The following FBLN5 variants were observed in gnomAD, a reference collection of about 807,000 sequenced individuals.
The protein encoded by FBLN5 is fibulin-5.
FBLN5 carries 24 observed loss-of-function variants against 61.6 expected under a neutral mutation model. The observed-to-expected ratio is 0.39, with a 90% CI of 0.28 to 0.55. The LOEUF (loss-of-function observed/expected upper bound fraction) is 0.55. FBLN5 is among the 20% of genes least tolerant of loss of function. FBLN5 has a pLI of 0.65. For synonymous variants in FBLN5, 213 were observed against 219.8 expected, an observed-to-expected ratio of 0.97 and a Z score of 0.27; for missense variants, 470 against 594.1, an observed-to-expected ratio of 0.79 and a Z score of 2.17.
At chr14:91,900,362 A>G (rs1890403147) in intron 4 of FBLN5, among the ~76,000 whole-genome samples, 1 of 152,258 alleles carries the variant, frequency 6.6e-6, no homozygotes, top group East Asian at 1.9e-4. Context: ...TGCACATATT[A>G]TATACATATA....
intron 4 of FBLN5, among the ~76,000 whole-genome samples, chr14:91,924,330 C>T (rs2055789672): frequency 6.6e-6 from 1 of 152,178 alleles, no homozygotes; most frequent in African/African-American, 2.4e-5. Flanking sequence ...TTGAATCCCA[C>T]ATATATAATT....
At chr14:91,936,917 C>T (rs772340653) in intron 4 of FBLN5, 30 bp downstream of exon 4, 1 of 1,613,874 alleles carries the variant, frequency 6.2e-7, no homozygotes, top group Non-Finnish European at 8.5e-7. Context: ...CAAAGCACAG[C>T]GGAGAGGAAC....
chr14:91,879,507 G>A (rs1889319680), intron 9 of FBLN5, among the ~76,000 whole-genome samples: 2 of 152,194 alleles, frequency 1.3e-5, no homozygotes, highest in Admixed American at 1.3e-4. Context: ...TCATGCCAGA[G>A]ACTCCACCAG....
chr14:91,871,532 C>T (rs1566796191), intron 10 of FBLN5, among the ~76,000 whole-genome samples: 4 of 152,136 alleles, frequency 2.6e-5, no homozygotes. Flanking sequence ...AGGCACTCTT[C>T]TAACCATGTT....
chr14:91,942,138 C>T, intron 2 of FBLN5: 2 of 456,000 alleles, frequency 4.4e-6, no homozygotes, highest in South Asian at 3.1e-5. Context: ...AGGGATCTGC[C>T]CACATTTCAG....
At chr14:91,907,872 T>C (rs903414399) in intron 4 of FBLN5, among the ~76,000 whole-genome samples, 4 of 152,046 alleles carry the variant, frequency 2.6e-5, no homozygotes, top group South Asian at 4.1e-4. Context: ...TAGCCCCTTG[T>C]AGTTCAGCAA....
chr14:91,947,091 C>CTCA lies in FBLN5; in HGVS notation c.17+119_17+121dup. ...ATTAACAATATCATTGCATCACTAG[C>CTCA]TCATGCCTTTTCCAATATCCTGACA... On this transcript the variant is annotated intron_variant, in intron 1 of 10. Transcript: ENST00000342058. This position sits in a 1 kb window ranked among gnomAD's most constrained non-coding sequence, Gnocchi z 4.3. 2 of 1,548,538 alleles carry CTCA rather than the reference C, an allele frequency of 1.3e-6. No individual in the cohort carries two copies. Among genetic ancestry groups the CTCA allele is most frequent in the South Asian group, 2.3e-5 (2 of 86,152 alleles).
chr14:91,891,681 A>C (rs1890003715), intron 5 of FBLN5, among the ~76,000 whole-genome samples: 1 of 152,218 alleles, frequency 6.6e-6, no homozygotes. Context: ...GGTTTATCCA[A>C]GATGGACTCT....
chr14:91,912,504 G>T (rs1175965647), intron 4 of FBLN5, among the ~76,000 whole-genome samples: 1 of 152,066 alleles, frequency 6.6e-6, no homozygotes, highest in Admixed American at 6.6e-5. Context: ...AATTAGCCAG[G>T]CGTGGTGGCA....
intron 4 of FBLN5, among the ~76,000 whole-genome samples, 185 bp from the exon 5 acceptor site, chr14:91,895,257 A>G (rs777678013): frequency 1.4e-4 from 21 of 152,174 alleles, no homozygotes; most frequent in Non-Finnish European, 2.9e-4. Flanking sequence ...CTGAAGGCTG[A>G]GCTAGTCTGC....
In FBLN5 at chr14:91,883,522, G is replaced by A. The variant is rs377455845; in HGVS notation, c.740-446C>T. ...AGGGCCCTCTGAAGGGGCAACTTTC[G>A]CAATGCCAACTCCCCTCCAATCACC... On this transcript the variant is annotated intron_variant, in intron 7 of 10. Transcript: ENST00000342058. Among the ~76,000 whole-genome samples the A allele has an allele frequency of 1.6e-4, 25 of 151,772 alleles. 1 individual carries two copies. The highest frequency in any genetic ancestry group is 5.1e-4 in the African/African-American group (21 of 41,400).
intron 4 of FBLN5, among the ~76,000 whole-genome samples, chr14:91,904,063 C>G (rs1340571361): frequency 6.6e-6 from 1 of 152,162 alleles, no homozygotes. Context: ...CACATATGGG[C>G]AAAGCACATC....
chr14:91,895,339 T>C (rs980111925), intron 4 of FBLN5, among the ~76,000 whole-genome samples: 4 of 152,364 alleles, frequency 2.6e-5, no homozygotes, highest in Admixed American at 2.0e-4. Flanking sequence ...TGCCATCCTA[T>C]GCCATTGCTC....
Position 91,869,912 on chromosome 14 carries a change from C to T in FBLN5, c.*312G>A. 2.6e-6 allele frequency: 1 copy of T among 381,498 alleles called. No homozygotes were observed. 23.6% of individuals were successfully genotyped at this position (381,498 alleles called of 1,614,324 possible). A position where few individuals can be genotyped will look rare whatever the true frequency, so the allele number is the denominator to read the frequency against. On this transcript the variant is annotated 3_prime_UTR_variant, in exon 11 of 11. Coordinates refer to ENST00000342058, the MANE Select transcript of FBLN5 (RefSeq NM_006329.4). ...GAACATAGACTCAGACCCCCGCAAACCTAATCTATTTTCTTTGAAAATAGT... is the reference window on the plus strand; with the variant it reads ...GAACATAGACTCAGACCCCCGCAAATCTAATCTATTTTCTTTGAAAATAGT...
chr14:91,913,140 C>T (rs1361641987), intron 4 of FBLN5, among the ~76,000 whole-genome samples: 1 of 152,138 alleles, frequency 6.6e-6, no homozygotes, highest in Non-Finnish European at 1.5e-5. Flanking sequence ...GGTGTTACTA[C>T]CCTGTCATTA....
chr14:91,902,618 G>A (rs72705349), intron 4 of FBLN5, among the ~76,000 whole-genome samples: 29,670 of 152,024 alleles, frequency 0.2, 3,349 homozygotes, highest in Middle Eastern at 0.37. Flanking sequence ...GACTCAGTGG[G>A]GATCTTGTTA....
chr14:91,909,388 C>T (rs564935828), intron 4 of FBLN5, among the ~76,000 whole-genome samples: 1 of 152,300 alleles, frequency 6.6e-6, no homozygotes, highest in East Asian at 1.9e-4. Flanking sequence ...ATTTAAAACC[C>T]AGTCACTCAC....
At chr14:91,919,333 A>G (rs1376006988) in intron 4 of FBLN5, among the ~76,000 whole-genome samples, 2 of 73,824 alleles carry the variant, frequency 2.7e-5, no homozygotes, top group African/African-American at 7.4e-5. Flanking sequence ...TCTGTCTCAA[A>G]AAAAAGAAAA....
At position 91,881,412 on chromosome 14, in the gene FBLN5, T is replaced by C. The variant is rs1889459844; in HGVS notation, c.869A>G (p.Asn290Ser). The C allele has an allele frequency of 6.2e-7, 1 of 1,614,062 alleles. No individual in the cohort carries two copies. Among genetic ancestry groups the C allele is most frequent in the African/African-American group, 1.3e-5 (1 of 74,922 alleles). The part of the protein sequence containing the change: ...LDDNRSCQDI[N>S]ECEHRNHTCN... Reference sequence around the variant, plus strand: ...CGTGTGGTTCCTGTGCTCACATTCGTTGATGTCTGAAATGCAGGGGAGACA... The same window carrying C: ...CGTGTGGTTCCTGTGCTCACATTCGCTGATGTCTGAAATGCAGGGGAGACA... The change falls in exon 9 of 11, where the codon AAC (asparagine) becomes AGC (serine). Residue 290 changes from asparagine (N) to serine (S), a missense_variant. Asn to Ser is a conservative substitution (Grantham distance 46). Coordinates refer to ENST00000342058, the MANE Select transcript of FBLN5 (RefSeq NM_006329.4).
Sources: gnomAD v4.1 joint callset for allele counts (sites outside exome capture counted in the v4.1 genomes callset) on GRCh38, gnomAD v4.1.1 for gene constraint, Gnocchi (gnomAD v3.1) non-coding constraint, MANE v1.5 for transcripts, NCBI Gene and HGNC (gene_info 2026-07-23, HGNC 2026-07-21) for gene names.